Variants in PPP1R42 observed in about 807,000 individuals in gnomAD.
PPP1R42 encodes protein phosphatase 1 regulatory subunit 42, also known as leucine rich repeat containing 67.
In PPP1R42, 34 loss-of-function variants were observed where a neutral mutation model predicts 31.0. The ratio of observed to expected loss-of-function variants is 1.10; its 90% CI spans 0.83 to 1.46. The LOEUF is 1.46. Ranked by LOEUF, PPP1R42 falls within the 40% of genes most tolerant of loss-of-function variation. PPP1R42 has a pLI of 0.00. For missense variants in PPP1R42, 268 were observed against 303.0 expected (o/e 0.88, Z 0.86); for synonymous variants, 103 against 109.8 (o/e 0.94, Z 0.39).
chr8:66,991,751 G>A (rs559032378), intron 5 of PPP1R42, among the ~76,000 whole-genome samples: 1 of 151,824 alleles, frequency 6.6e-6, no homozygotes, highest in Non-Finnish European at 1.5e-5. Flanking sequence ...CAGTATCTCC[G>A]TCTTATCTGG....
At chr8:67,006,937 G>C (rs1390094859) in intron 5 of PPP1R42, among the ~76,000 whole-genome samples, 1 of 149,428 alleles carries the variant, frequency 6.7e-6, no homozygotes, top group Non-Finnish European at 1.5e-5. Context: ...TAGAGATGGG[G>C]TTTCACCATG....
chr8:66,984,091 GAGACAAAGGCAAGA>G, intron 6 of PPP1R42: 4 of 1,536,696 alleles, frequency 2.6e-6, no homozygotes, highest in Non-Finnish European at 3.6e-6. Flanking sequence ...GAGGACAGAA[GAGACAAAGGCAAGA>G]GGGGAGAGGC....
chr8:67,003,389 C>CT (rs5892069), intron 5 of PPP1R42, among the ~76,000 whole-genome samples: 8 of 32,904 alleles, frequency 2.4e-4, no homozygotes, highest in Non-Finnish European at 2.7e-4. Context: ...TTTCATGCTT[C>CT]TTTTTTTTTT....
At chr8:66,969,305 G>A (rs1814474037) in intron 7 of PPP1R42, among the ~76,000 whole-genome samples, 1 of 152,164 alleles carries the variant, frequency 6.6e-6, no homozygotes, top group Non-Finnish European at 1.5e-5. Flanking sequence ...TTTTCAAAAT[G>A]CTTGGCAAAG....
At chr8:66,968,470 A>G (rs1814447290) in intron 7 of PPP1R42, 1 of 985,110 alleles carries the variant, frequency 1.0e-6, no homozygotes, top group African/African-American at 1.7e-5. Context: ...CACCTTGAAT[A>G]TTAAATATAG....
At chr8:66,985,494 C>T in intron 6 of PPP1R42, 1 of 1,111,662 alleles carries the variant, frequency 9.0e-7, no homozygotes, top group Non-Finnish European at 1.4e-6. Context: ...CTTTTAACTC[C>T]CCCTTTGGGG....
chr8:66,985,539 C>A lies in PPP1R42; in HGVS notation c.670+2861G>T, dbSNP rs1413187743. ...CCATGTCATGGAGATTAGACGGGCC[C>A]ACCATGTTGGCATTGCTGATGAGTC... On this transcript the variant is annotated intron_variant, in intron 6 of 7. Transcript: ENST00000685739. 9 of 1,300,776 alleles carry A rather than the reference C, an allele frequency of 6.9e-6. No homozygotes were observed. The African/African-American group carries it at 8.7e-5, about 13-fold the overall frequency. The allele number at this position is 1,300,776 out of a possible 1,614,324, so 80.6% of individuals were successfully genotyped here.
intron 6 of PPP1R42, chr8:66,985,685 G>C (rs1435420614): frequency 1.5e-6 from 2 of 1,315,046 alleles, no homozygotes; most frequent in Non-Finnish European, 2.2e-6. Flanking sequence ...TGGCCAATTG[G>C]AAGTTGCTCT....
In PPP1R42 at chr8:66,994,463, C is replaced by T. The variant is rs960456983; in HGVS notation, c.553-5946G>A. 2.0e-5 allele frequency among the ~76,000 whole-genome samples: 3 copies of T among 152,182 alleles called. No homozygotes were observed. The East Asian group carries it at 5.8e-4, about 29-fold the overall frequency. ...CTTTAAATATCTTCCTTTCTCACTG[C>T]TCAAACAAGAATCTTGGTTGAAAGA... On this transcript the variant is annotated intron_variant, in intron 5 of 7. Transcript: ENST00000685739.
chr8:66,964,870 T>C (rs1281121936), intron 7 of PPP1R42, among the ~76,000 whole-genome samples: 1 of 152,172 alleles, frequency 6.6e-6, no homozygotes, highest in African/African-American at 2.4e-5. Flanking sequence ...TAACCATCAA[T>C]GCAATAAAGA....
intron 7 of PPP1R42, among the ~76,000 whole-genome samples, chr8:66,965,858 G>A (rs898328293): frequency 4.6e-5 from 7 of 151,974 alleles, no homozygotes; most frequent in Non-Finnish European, 7.4e-5. Context: ...AGAAGGTTGA[G>A]GCTGCAGTGA....
intron 7 of PPP1R42, chr8:66,968,367 C>T: frequency 4.0e-6 from 2 of 506,016 alleles, no homozygotes; most frequent in Non-Finnish European, 5.1e-6. Flanking sequence ...GCACAGCCCC[C>T]AGTGTGTAGA....
At chr8:66,990,691 T>C (rs753393204) in intron 5 of PPP1R42, among the ~76,000 whole-genome samples, 2 of 152,218 alleles carry the variant, frequency 1.3e-5, no homozygotes, top group Non-Finnish European at 2.9e-5. Flanking sequence ...TGACCGCTGA[T>C]GAACCTGTAT....
intron 5 of PPP1R42, among the ~76,000 whole-genome samples, chr8:67,009,296 G>A (rs767395136): frequency 4.0e-5 from 6 of 149,900 alleles, no homozygotes; most frequent in Non-Finnish European, 7.4e-5. Context: ...GGCCGGGTCC[G>A]GTGGCTCACA....
chr8:66,968,369 G>T (rs984972804), intron 7 of PPP1R42: 15 of 532,682 alleles, frequency 2.8e-5, no homozygotes, highest in Non-Finnish European at 3.4e-5. Context: ...ACAGCCCCCA[G>T]TGTGTAGAAC....
intron 7 of PPP1R42, among the ~76,000 whole-genome samples, chr8:66,980,570 G>C (rs1186930309): frequency 6.6e-6 from 1 of 152,076 alleles, no homozygotes; most frequent in Non-Finnish European, 1.5e-5. Context: ...AAAATCACTA[G>C]AGCTCCATGC....
chr8:67,013,220 T>A, intron 3 of PPP1R42, 124 bp from the exon 4 acceptor site: 1 of 688,164 alleles, frequency 1.5e-6, no homozygotes, highest in South Asian at 3.0e-5. Flanking sequence ...GAATGTTGTG[T>A]TATATTGAAT....
chr8:66,971,005 T>G, intron 7 of PPP1R42: 1 of 1,524,706 alleles, frequency 6.6e-7, no homozygotes, highest in South Asian at 1.2e-5. Flanking sequence ...AATTTTAGTG[T>G]AATCTTCTCA....
At chr8:66,997,058 CAGA>C (rs1275634545) in intron 5 of PPP1R42, among the ~76,000 whole-genome samples, 1 of 152,182 alleles carries the variant, frequency 6.6e-6, no homozygotes, top group Non-Finnish European at 1.5e-5. Flanking sequence ...AAGGCTGAGG[CAGA>C]AGAATTGCTT....
Sources: allele counts gnomAD v4.1 joint callset (sites outside exome capture counted in the v4.1 genomes callset), GRCh38; gene constraint gnomAD v4.1.1; transcripts MANE v1.5; gene names NCBI Gene and HGNC (gene_info 2026-07-23, HGNC 2026-07-21).